The following FOXN3 variants were observed in gnomAD, a reference collection of about 807,000 sequenced individuals.
The protein encoded by FOXN3 is forkhead box N3.
Under a neutral mutation model 38.4 loss-of-function variants are expected in FOXN3, and 7 were observed. The observed-to-expected ratio is 0.18, with a 90% CI of 0.10 to 0.34. FOXN3 has a LOEUF of 0.34. Among genes scored for constraint, FOXN3 ranks in the 10% least tolerant of loss-of-function variants. The probability of loss-of-function intolerance (pLI) is 1.00; values close to 1 mark genes in which losing one functional copy is unlikely to be tolerated. For synonymous variants in FOXN3, 230 were observed against 242.2 expected (o/e 0.95, Z 0.47); for missense variants, 456 against 613.4 (o/e 0.74, Z 2.71).
intron 1 of FOXN3, among the ~76,000 whole-genome samples, chr14:89,520,663 A>G (rs566725857): frequency 4.6e-5 from 7 of 152,200 alleles, no homozygotes; most frequent in Non-Finnish European, 1.0e-4. Flanking sequence ...CCTAAAGATA[A>G]CCGCTTCAAA....
At chr14:89,375,570 T>C (rs1890456103) in intron 2 of FOXN3, among the ~76,000 whole-genome samples, 1 of 152,122 alleles carries the variant, frequency 6.6e-6, no homozygotes, top group Admixed American at 6.6e-5. Context: ...ATGCACATTA[T>C]AGAATAAAGC....
chr14:89,554,692 C>T (rs1486127635), intron 1 of FOXN3, among the ~76,000 whole-genome samples: 1 of 148,310 alleles, frequency 6.7e-6, no homozygotes, highest in Non-Finnish European at 1.5e-5. Flanking sequence ...ACTAAAAAAG[C>T]AAAAACAAAA....
chr14:89,322,511 T>C (rs577437394), intron 3 of FOXN3, among the ~76,000 whole-genome samples: 5 of 152,098 alleles, frequency 3.3e-5, no homozygotes, highest in South Asian at 2.1e-4. Flanking sequence ...CACAAGGACA[T>C]AGTGTTCTTG....
chr14:89,246,512 C>T (rs1885301642), intron 4 of FOXN3, among the ~76,000 whole-genome samples: 1 of 147,810 alleles, frequency 6.8e-6, no homozygotes, highest in Admixed American at 6.8e-5. Context: ...GCGCCCACAC[C>T]TCCTTTCTCA....
rs1280522938 is a variant in FOXN3 at position 89,466,131 on chromosome 14, C to G, written c.-14-53641G>C. On this transcript the variant is annotated intron_variant, in intron 1 of 6. Coordinates refer to the FOXN3 transcript ENST00000345097. Reference sequence around the variant, plus strand: ...CTCCAGGAACTTCCTGGTATTCCAGCCTCCAGCAACGACTGAATGCCTCTA... The same window carrying G: ...CTCCAGGAACTTCCTGGTATTCCAGGCTCCAGCAACGACTGAATGCCTCTA... Among the ~76,000 whole-genome samples, 3 of 152,216 alleles carry G rather than the reference C, an allele frequency of 2.0e-5. No homozygotes were observed. In the South Asian group the frequency reaches 6.2e-4, roughly 32 times the overall value.
chr14:89,181,996 C>T (rs1303200812), intron 4 of FOXN3, among the ~76,000 whole-genome samples: 6 of 152,158 alleles, frequency 3.9e-5, no homozygotes, highest in Non-Finnish European at 7.4e-5. Flanking sequence ...CCCCAGAGCT[C>T]TGGCTGTGCC....
intron 1 of FOXN3, among the ~76,000 whole-genome samples, chr14:89,422,601 C>T (rs1412885523): frequency 1.3e-5 from 2 of 152,222 alleles, no homozygotes; most frequent in East Asian, 3.8e-4. Context: ...AAACTCCTCA[C>T]TTTCCCGCTG....
At chr14:89,352,252 T>C (rs1257861795) in intron 2 of FOXN3, among the ~76,000 whole-genome samples, 1 of 152,222 alleles carries the variant, frequency 6.6e-6, no homozygotes, top group African/African-American at 2.4e-5. Flanking sequence ...TTTGGAAAAT[T>C]CAACATTCCT....
chr14:89,323,029 C>T (rs187729163), intron 3 of FOXN3, among the ~76,000 whole-genome samples: 2 of 152,270 alleles, frequency 1.3e-5, no homozygotes, highest in South Asian at 2.1e-4. Context: ...TGGCTCATGC[C>T]TGTAATCCCA....
chr14:89,162,741 C>A lies in FOXN3; in HGVS notation c.1080G>T (p.Gly360=). The A allele has an allele frequency of 1.2e-6, 2 of 1,613,492 alleles. No individual in the cohort carries two copies. Among genetic ancestry groups the A allele is most frequent in the Non-Finnish European group, 8.5e-7 (1 of 1,179,634 alleles). Residue 360 remains glycine, a synonymous_variant, in exon 6 of 6, where the codon GGG becomes GGT. Coordinates refer to ENST00000557258, the MANE Select transcript of FOXN3 (RefSeq NM_005197.4). This position sits in a 1 kb window ranked among gnomAD's most constrained non-coding sequence, Gnocchi z 7.2. ...GSQEGSEGSE[G]SFRSHESPSD... The stretch of plus-strand genomic sequence containing the variant: ...TGGGGCTCTCGTGGCTCCGGAAGCT[C>A]CCCTCGCTGCCCTCGCTGCCCTCCT...
At chr14:89,400,345 A>G (rs1212517126) in intron 2 of FOXN3, among the ~76,000 whole-genome samples, 1 of 152,206 alleles carries the variant, frequency 6.6e-6, no homozygotes, top group Non-Finnish European at 1.5e-5. Flanking sequence ...TTTATTTTCC[A>G]ACACCTATGC....
intron 2 of FOXN3, among the ~76,000 whole-genome samples, chr14:89,408,490 G>A (rs1263022076): frequency 6.6e-6 from 1 of 151,250 alleles, no homozygotes; most frequent in East Asian, 1.9e-4. Flanking sequence ...CTGCACTCAA[G>A]CAATCCTCCC....
intron 1 of FOXN3, among the ~76,000 whole-genome samples, chr14:89,546,329 C>CTTTCTT (rs1555359724): frequency 1.0e-4 from 8 of 78,334 alleles, no homozygotes; most frequent in African/African-American, 4.3e-4. Context: ...TTTCCTTTTT[C>CTTTCTT]TTTTTTTTTT....
intron 2 of FOXN3, among the ~76,000 whole-genome samples, chr14:89,406,234 A>T (rs1267380349): frequency 6.6e-6 from 1 of 151,906 alleles, no homozygotes; most frequent in Non-Finnish European, 1.5e-5. Flanking sequence ...GGTATGAGCC[A>T]CAGTGCGCAG....
At chr14:89,180,046 C>T (rs960489193) in intron 5 of FOXN3, among the ~76,000 whole-genome samples, 4 of 152,096 alleles carry the variant, frequency 2.6e-5, no homozygotes, top group African/African-American at 4.8e-5. Flanking sequence ...AAGCAGCTGG[C>T]GGATGGGAGG....
intron 4 of FOXN3, among the ~76,000 whole-genome samples, chr14:89,270,658 T>C (rs954596927): frequency 1.3e-5 from 2 of 152,214 alleles, no homozygotes; most frequent in African/African-American, 4.8e-5. Flanking sequence ...TGCTGCCTCC[T>C]CTGGAGTGAA....
At chr14:89,436,392 A>C (rs1340760223) in intron 1 of FOXN3, among the ~76,000 whole-genome samples, 1 of 152,114 alleles carries the variant, frequency 6.6e-6, no homozygotes, top group Non-Finnish European at 1.5e-5. Flanking sequence ...AATTTAATGA[A>C]GCAACTGTGA....
intron 1 of FOXN3, among the ~76,000 whole-genome samples, chr14:89,438,102 A>C (rs1892307919): frequency 6.6e-6 from 1 of 152,276 alleles, no homozygotes; most frequent in African/African-American, 2.4e-5. Context: ...TAGTAATTCC[A>C]AAATTAGAAA....
intron 2 of FOXN3, among the ~76,000 whole-genome samples, chr14:89,407,009 A>G (rs1337921472): frequency 1.3e-5 from 2 of 152,066 alleles, no homozygotes; most frequent in African/African-American, 4.8e-5. Flanking sequence ...AAAAAAAAAA[A>G]AAAAAAACTA....
Sources: allele counts gnomAD v4.1 joint callset (sites outside exome capture counted in the v4.1 genomes callset), GRCh38; gene constraint gnomAD v4.1.1; non-coding constraint Gnocchi (gnomAD v3.1); transcripts MANE v1.5; gene names NCBI Gene and HGNC (gene_info 2026-07-23, HGNC 2026-07-21).